RAB27B: variants seen among roughly 807,000 people sequenced by gnomAD.
RAB27B encodes the protein ras-related protein Rab-27B.
Under a neutral mutation model 24.6 loss-of-function variants are expected in RAB27B, and 15 were observed. The ratio of observed to expected loss-of-function variants is 0.61; its 90% CI spans 0.41 to 0.94. The LOEUF (loss-of-function observed/expected upper bound fraction) is 0.94, where lower values mean the gene tolerates loss of function less well. Ranked by LOEUF, RAB27B falls within the 40% of genes least tolerant of loss-of-function variation. The probability of loss-of-function intolerance (pLI) is 0.00; values close to 1 mark genes in which losing one functional copy is unlikely to be tolerated. For synonymous variants in RAB27B, 105 were observed against 92.5 expected, an observed-to-expected ratio of 1.14 and a Z score of -0.78; for missense variants, 261 against 266.8, an observed-to-expected ratio of 0.98 and a Z score of 0.15.
chr18:54,858,648 G>A (rs900502158), intron 1 of RAB27B, among the ~76,000 whole-genome samples: 1 of 152,076 alleles, frequency 6.6e-6, no homozygotes, highest in African/African-American at 2.4e-5. Context: ...CTAAAGTGGT[G>A]GGATTACAGG....
At chr18:54,765,418 G>A (rs1253588155) in intron 2 of RAB27B, among the ~76,000 whole-genome samples, 1 of 152,096 alleles carries the variant, frequency 6.6e-6, no homozygotes, top group African/African-American at 2.4e-5. Flanking sequence ...GATATTGTTC[G>A]TGCTGTTCCC....
rs571734475 is a variant in RAB27B at position 54,895,135 on chromosome 18, A to G, written c.*5722A>G. 3.9e-5 allele frequency: 6 copies of G among 152,120 alleles called. No homozygotes were observed. Among genetic ancestry groups the G allele is most frequent in the Middle Eastern group, 6.8e-3 (2 of 294 alleles). The allele number at this position is 152,120 out of a possible 1,614,324, so 9.4% of individuals were successfully genotyped here. The stretch of plus-strand genomic sequence containing the variant: ...ATTATCCTGCTTTAGTTAGTGTGTT[A>G]AAAGTAGACGATGTTCTAATATAAC... On this transcript the variant is annotated 3_prime_UTR_variant, in exon 6 of 6. Transcript: ENST00000262094.
At chr18:54,827,356 G>C (rs1279581082), upstream of RAB27B, among the ~76,000 whole-genome samples, 1 of 152,180 alleles carries the variant, frequency 6.6e-6, no homozygotes, top group Non-Finnish European at 1.5e-5. Flanking sequence ...ACACTATGAA[G>C]ACATTATTAT....
At chr18:54,820,069 G>A (rs1384833603) in intron 2 of RAB27B, among the ~76,000 whole-genome samples, 1 of 152,078 alleles carries the variant, frequency 6.6e-6, no homozygotes, top group Admixed American at 6.5e-5. Flanking sequence ...GAATAGTGCT[G>A]CGATAAACAT....
chr18:54,841,078 A>C (rs1467107067), intron 1 of RAB27B, among the ~76,000 whole-genome samples: 2 of 147,330 alleles, frequency 1.4e-5, no homozygotes, highest in Admixed American at 1.4e-4. Context: ...CCCGGGAGGC[A>C]GAAGTTGCAG....
At chr18:54,777,118 C>T (rs1908742092) in intron 2 of RAB27B, among the ~76,000 whole-genome samples, 1 of 152,166 alleles carries the variant, frequency 6.6e-6, no homozygotes, top group Non-Finnish European at 1.5e-5. Context: ...TGCTTAGAAG[C>T]ATGCTTTATT....
intron 2 of RAB27B, among the ~76,000 whole-genome samples, chr18:54,726,141 A>G (rs1909529859): frequency 6.6e-6 from 1 of 151,522 alleles, no homozygotes. Context: ...GTTAAGTTGA[A>G]TAATAATTCA....
intron 3 of RAB27B, among the ~76,000 whole-genome samples, chr18:54,883,167 A>G (rs1050312036): frequency 8.5e-5 from 13 of 152,142 alleles, no homozygotes; most frequent in Non-Finnish European, 1.9e-4. Context: ...GAAGTTGGAG[A>G]TGCCTGAGTT....
chr18:54,761,401 C>T (rs1439486921), intron 2 of RAB27B, among the ~76,000 whole-genome samples: 1 of 152,152 alleles, frequency 6.6e-6, no homozygotes, highest in Non-Finnish European at 1.5e-5. Context: ...AATGCATTTC[C>T]TATCTTCAGT....
chr18:54,768,894 C>T (rs1321833790), intron 2 of RAB27B, among the ~76,000 whole-genome samples: 1 of 152,108 alleles, frequency 6.6e-6, no homozygotes, highest in Admixed American at 6.6e-5. Flanking sequence ...CCTGGTCCTG[C>T]CCTTGACATG....
At chr18:54,754,148 G>A (rs992703324) in intron 2 of RAB27B, among the ~76,000 whole-genome samples, 1 of 146,852 alleles carries the variant, frequency 6.8e-6, no homozygotes, top group East Asian at 1.9e-4. Flanking sequence ...TGATTGCATC[G>A]TAAGGGCAAT....
chr18:54,737,130 A>G (rs1432089292), intron 2 of RAB27B, among the ~76,000 whole-genome samples: 1 of 151,890 alleles, frequency 6.6e-6, no homozygotes, highest in Non-Finnish European at 1.5e-5. Flanking sequence ...GGAAAAAAAA[A>G]CTACTTACAT....
In RAB27B at chr18:54,770,314, G is replaced by A. The variant is rs570651456; in HGVS notation, c.-20+52173G>A. Among the ~76,000 whole-genome samples, 3 of 152,164 alleles carry A rather than the reference G, an allele frequency of 2.0e-5. No homozygotes were observed. In the East Asian group the frequency reaches 5.8e-4, roughly 29 times the overall value. ...GCCACTCCCTGTAACTTGCATTACC[G>A]CCCAAGCTCCACCTCCTGTCTGATT... On this transcript the variant is annotated intron_variant, in intron 2 of 4. Coordinates refer to the RAB27B transcript ENST00000586570.
intron 1 of RAB27B, among the ~76,000 whole-genome samples, chr18:54,861,503 T>G (rs150820907): frequency 3.5e-4 from 54 of 152,176 alleles, no homozygotes; most frequent in Middle Eastern, 3.4e-3. Context: ...GCGCCTATGG[T>G]GGGAAAGGAA....
At chr18:54,841,744 A>G (rs1004529528) in intron 1 of RAB27B, among the ~76,000 whole-genome samples, 5 of 152,234 alleles carry the variant, frequency 3.3e-5, no homozygotes, top group African/African-American at 9.6e-5. Context: ...TCAAAGATAT[A>G]TGATAGCAAA....
chr18:54,782,332 G>T (rs1018883302), intron 2 of RAB27B, among the ~76,000 whole-genome samples: 2 of 152,166 alleles, frequency 1.3e-5, no homozygotes, highest in Non-Finnish European at 2.9e-5. Context: ...TTTTAGCACA[G>T]ACTTGGAAAA....
At chr18:54,748,495 G>GA (rs1052077954) in intron 2 of RAB27B, among the ~76,000 whole-genome samples, 20 of 152,274 alleles carry the variant, frequency 1.3e-4, no homozygotes, top group African/African-American at 4.8e-4. Context: ...TCTTGAGTGT[G>GA]AAAAAAGGCA....
upstream of RAB27B, among the ~76,000 whole-genome samples, chr18:54,824,923 C>T (rs1910425038): frequency 1.3e-5 from 2 of 152,030 alleles, no homozygotes; most frequent in South Asian, 2.1e-4. Context: ...ATTTTACTGC[C>T]TCTTATGTTG....
intron 2 of RAB27B, among the ~76,000 whole-genome samples, chr18:54,728,902 C>CAAAAAAA (rs1568044214): frequency 2.5e-5 from 1 of 40,576 alleles, no homozygotes; most frequent in Non-Finnish European, 5.4e-5. Flanking sequence ...AAAAAAAAAC[C>CAAAAAAA]CAAAAAAAAA....
Sources: allele counts gnomAD v4.1 joint callset (sites outside exome capture counted in the v4.1 genomes callset), GRCh38; gene constraint gnomAD v4.1.1; transcripts MANE v1.5; gene names NCBI Gene and HGNC (gene_info 2026-07-23, HGNC 2026-07-21).